Variants in TMEM217 observed in about 807,000 individuals in gnomAD.
TMEM217 encodes the protein chromosome 6 open reading frame 128.
For synonymous variants in TMEM217, 76 were observed against 88.3 expected (o/e 0.86, Z 0.78); for missense variants, 204 against 248.8 (o/e 0.82, Z 1.21).
intron 1 of TMEM217, among the ~76,000 whole-genome samples, chr6:37,224,856 C>CAT (rs1423475692): frequency 1.3e-5 from 2 of 151,878 alleles, no homozygotes; most frequent in Non-Finnish European, 2.9e-5. Context: ...TTTGGCCATA[C>CAT]ATATATATGT....
At chr6:37,231,074 C>A (rs1464649502) in intron 1 of TMEM217, among the ~76,000 whole-genome samples, 3 of 151,538 alleles carry the variant, frequency 2.0e-5, no homozygotes, top group African/African-American at 7.3e-5. Flanking sequence ...TATTTATTTT[C>A]TTTTTGAGAT....
chr6:37,252,112 C>T (rs990411796), intron 1 of TMEM217, among the ~76,000 whole-genome samples: 8 of 152,206 alleles, frequency 5.3e-5, no homozygotes, highest in South Asian at 2.1e-4. Flanking sequence ...AGGCCGGTCT[C>T]GAACTCCTGA....
At chr6:37,221,743 G>A (rs551390363) in intron 1 of TMEM217, among the ~76,000 whole-genome samples, 1 of 152,322 alleles carries the variant, frequency 6.6e-6, no homozygotes, top group African/African-American at 2.4e-5. Context: ...CTTGTTCTGT[G>A]TCCAAGATGA....
intron 1 of TMEM217, among the ~76,000 whole-genome samples, chr6:37,221,007 G>C (rs1763480818): frequency 6.6e-6 from 1 of 151,950 alleles, no homozygotes; most frequent in African/African-American, 2.4e-5. Context: ...CAGTTTAGTA[G>C]TGTTAAGTAT....
intron 1 of TMEM217, among the ~76,000 whole-genome samples, chr6:37,245,621 T>G (rs1357921883): frequency 6.6e-6 from 1 of 151,930 alleles, no homozygotes; most frequent in East Asian, 1.9e-4. Flanking sequence ...TCTCCGTATG[T>G]GGGAAAGGGA....
intron 1 of TMEM217, among the ~76,000 whole-genome samples, chr6:37,256,182 C>A (rs1465650357): frequency 6.6e-6 from 1 of 152,188 alleles, no homozygotes; most frequent in Non-Finnish European, 1.5e-5. Flanking sequence ...GAGTGTATGG[C>A]AGCTCACATA....
chr6:37,233,852 C>T (rs1263240361), intron 1 of TMEM217, among the ~76,000 whole-genome samples: 3 of 152,158 alleles, frequency 2.0e-5, no homozygotes, highest in African/African-American at 7.2e-5. Flanking sequence ...TTCCACTTTA[C>T]AATGGTGCAA....
exon 2 of TMEM217, chr6:37,217,827 G>A (rs1406970060): frequency 1.0e-6 from 1 of 985,294 alleles, no homozygotes; most frequent in Non-Finnish European, 1.2e-6. Context: ...TAATGAAGAT[G>A]CCAAGAAAAA....
intron 1 of TMEM217, among the ~76,000 whole-genome samples, chr6:37,238,167 G>GAAAA (rs66991206): frequency 3.4e-5 from 5 of 148,432 alleles, no homozygotes; most frequent in Non-Finnish European, 3.0e-5. Flanking sequence ...TAAAAACACT[G>GAAAA]AAAAAAAAAA....
At chr6:37,225,600 A>G (rs1321866590) in intron 1 of TMEM217, among the ~76,000 whole-genome samples, 1 of 152,240 alleles carries the variant, frequency 6.6e-6, no homozygotes, top group Non-Finnish European at 1.5e-5. Context: ...CAACTAAAAC[A>G]GATAGCAAAC....
chr6:37,213,668 C>A (rs1763024907), downstream of TMEM217, among the ~76,000 whole-genome samples: 1 of 152,252 alleles, frequency 6.6e-6, no homozygotes, highest in Non-Finnish European at 1.5e-5. Flanking sequence ...TACACCTGAG[C>A]TCTAGAGGTC....
intron 1 of TMEM217, among the ~76,000 whole-genome samples, chr6:37,247,476 C>T (rs751119237): frequency 6.6e-6 from 1 of 151,212 alleles, no homozygotes; most frequent in Non-Finnish European, 1.5e-5. Flanking sequence ...CAACCTCTGC[C>T]TCCCGGGTTA....
Position 37,218,459 on chromosome 6 carries a change from G to C in TMEM217, c.572C>G (p.Ser191Ter), listed in dbSNP as rs1763340187. ...CTCAAAGTACTGGGATTCCAGGTGT[G>C]AGCCACTGAACCCACTCGAAATTGA... Residue 191 changes from serine (S) to a stop codon, truncating the protein, a stop_gained, in exon 2 of 2, where the codon TCA (serine) becomes TGA (stop). Transcript: ENST00000357219. LOFTEE classifies it high-confidence loss of function. 1.2e-6 allele frequency: 2 copies of C among 1,612,740 alleles called. No individual in the cohort carries two copies. Among genetic ancestry groups the C allele is most frequent in the African/African-American group, 2.7e-5 (2 of 74,858 alleles).
At chr6:37,253,602 C>T (rs1047034858) in intron 1 of TMEM217, among the ~76,000 whole-genome samples, 1 of 152,158 alleles carries the variant, frequency 6.6e-6, no homozygotes, top group African/African-American at 2.4e-5. Context: ...TTAGGTGGCC[C>T]AACATTGCAC....
At chr6:37,237,308 A>G (rs191552042) in intron 1 of TMEM217, among the ~76,000 whole-genome samples, 234 of 152,316 alleles carry the variant, frequency 1.5e-3, no homozygotes, top group African/African-American at 5.3e-3. Context: ...GTGAATTGAC[A>G]TTCTCTGCCT....
At chr6:37,216,083 A>G (rs1423944709), downstream of TMEM217, among the ~76,000 whole-genome samples, 1 of 151,502 alleles carries the variant, frequency 6.6e-6, no homozygotes, top group Non-Finnish European at 1.5e-5. Flanking sequence ...TTATTTATTT[A>G]TTTATTTATT....
chr6:37,252,635 A>ATTTTT (rs1489045294), intron 1 of TMEM217, among the ~76,000 whole-genome samples: 6 of 60,382 alleles, frequency 9.9e-5, no homozygotes, highest in African/African-American at 3.0e-4. Context: ...ATATATATAT[A>ATTTTT]TATTTTTTTT....
intron 1 of TMEM217, among the ~76,000 whole-genome samples, chr6:37,225,094 G>A (rs1443446435): frequency 6.6e-6 from 1 of 151,848 alleles, no homozygotes; most frequent in Non-Finnish European, 1.5e-5. Context: ...CAGCTACTCC[G>A]GAGGCTGAGG....
chr6:37,230,479 T>C (rs898634002), intron 1 of TMEM217, among the ~76,000 whole-genome samples: 1 of 152,080 alleles, frequency 6.6e-6, no homozygotes, highest in African/African-American at 2.4e-5. Context: ...TTTAAAGAGG[T>C]AATTAAGTTA....
Sources: gnomAD v4.1 joint callset for allele counts (sites outside exome capture counted in the v4.1 genomes callset) on GRCh38, gnomAD v4.1.1 for gene constraint, MANE v1.5 for transcripts, NCBI Gene and HGNC (gene_info 2026-07-23, HGNC 2026-07-21) for gene names.